DOK6: variants seen among roughly 807,000 people sequenced by gnomAD.
DOK6 encodes the protein downstream of tyrosine kinase 6.
A neutral mutation model predicts 44.0 loss-of-function variants in DOK6; 22 were observed. That is an observed-to-expected ratio of 0.50 (90% CI 0.36 to 0.71). The LOEUF (loss-of-function observed/expected upper bound fraction) is 0.71, where lower values mean the gene tolerates loss of function less well. Among genes scored for constraint, DOK6 ranks in the 30% least tolerant of loss-of-function variants. DOK6 has a pLI of 0.00. For missense variants in DOK6, 340 were observed against 416.4 expected (o/e 0.82, Z 1.60); for synonymous variants, 166 against 145.5 (o/e 1.14, Z -1.01).
chr18:69,600,395 T>C (rs949542435), intron 3 of DOK6, among the ~76,000 whole-genome samples: 2 of 152,198 alleles, frequency 1.3e-5, no homozygotes, highest in African/African-American at 4.8e-5. Flanking sequence ...TTTATCTCCG[T>C]GTTCCTCTTT....
At chr18:69,575,071 A>G (rs1166186276) in intron 2 of DOK6, among the ~76,000 whole-genome samples, 1 of 152,094 alleles carries the variant, frequency 6.6e-6, no homozygotes, top group Non-Finnish European at 1.5e-5. Context: ...CAGCATATTC[A>G]TGTAGCAAAA....
chr18:69,504,942 G>A lies in DOK6; in HGVS notation c.67-59545G>A, dbSNP rs562028559. On this transcript the variant is annotated intron_variant, in intron 1 of 7. Transcript: ENST00000382713. ...CTCTAATTAAAAGCTCCTACTGGAA[G>A]CTCTCCGTTCTTCTCCTTCTTTACT... Among the ~76,000 whole-genome samples the A allele has an allele frequency of 3.0e-4, 45 of 152,266 alleles. No homozygotes were observed. The South Asian group carries it at 4.6e-3, about 15-fold the overall frequency.
chr18:69,671,692 A>C (rs1985802713), intron 3 of DOK6, among the ~76,000 whole-genome samples: 1 of 152,224 alleles, frequency 6.6e-6, no homozygotes, highest in Non-Finnish European at 1.5e-5. Context: ...AAGACTTATA[A>C]ACTCTACTTA....
At chr18:69,407,721 A>G (rs1916233352) in intron 1 of DOK6, among the ~76,000 whole-genome samples, 1 of 152,250 alleles carries the variant, frequency 6.6e-6, no homozygotes, top group Non-Finnish European at 1.5e-5. Flanking sequence ...ATTAATAAAG[A>G]AAACTATTGT....
rs534165420 is a variant in DOK6, at chr18:69,628,896, G to A, written c.289+29398G>A. ...ATGTACATTTAAGAGTTAACTGAAG[G>A]CTGTGTAAGCTGGAGCTGGTGATGG... On this transcript the variant is annotated intron_variant, in intron 3 of 7. Coordinates refer to ENST00000382713, the MANE Select transcript of DOK6 (RefSeq NM_152721.6). Among the ~76,000 whole-genome samples the A allele has an allele frequency of 6.5e-4, 99 of 152,258 alleles. No homozygotes were observed. In the Middle Eastern group the frequency reaches 0.014, roughly 21 times the overall value.
chr18:69,607,892 G>A (rs1234172589), intron 3 of DOK6, among the ~76,000 whole-genome samples: 2 of 152,040 alleles, frequency 1.3e-5, no homozygotes, highest in Non-Finnish European at 2.9e-5. Context: ...TGGAAATGCA[G>A]GTAACAGATA....
At chr18:69,760,830 C>T (rs12971260) in intron 7 of DOK6, among the ~76,000 whole-genome samples, 5 of 42,846 alleles carry the variant, frequency 1.2e-4, no homozygotes, top group South Asian at 1.1e-3. Context: ...CGGGGGCTGG[C>T]TGTGACCAAT....
At chr18:69,523,906 T>C (rs2144566799) in intron 1 of DOK6, among the ~76,000 whole-genome samples, 1 of 152,164 alleles carries the variant, frequency 6.6e-6, no homozygotes, top group South Asian at 2.1e-4. Flanking sequence ...TCTCAGAGCA[T>C]GATCTAAAAG....
chr18:69,614,961 G>A (rs1469745005), intron 3 of DOK6, among the ~76,000 whole-genome samples: 4 of 151,832 alleles, frequency 2.6e-5, no homozygotes, highest in Admixed American at 2.0e-4. Flanking sequence ...ATAGAAGAAG[G>A]GTCCCTCATA....
chr18:69,466,708 C>T (rs1979937973), intron 1 of DOK6, among the ~76,000 whole-genome samples: 2 of 150,430 alleles, frequency 1.3e-5, no homozygotes, highest in African/African-American at 4.9e-5. Context: ...ATTCATTGAT[C>T]AGTTAACAAT....
Position 69,846,226 on chromosome 18 carries a change from G to A in DOK6, c.*4843G>A, listed in dbSNP as rs187306215. 14 of 152,300 alleles carry A rather than the reference G, an allele frequency of 9.2e-5. No individual in the cohort carries two copies. The highest frequency in any genetic ancestry group is 2.6e-4 in the Admixed American group (4 of 15,292). The allele number at this position is 152,300 out of a possible 1,614,324, so 9.4% of individuals were successfully genotyped here. A position where few individuals can be genotyped will look rare whatever the true frequency, so the allele number is the denominator to read the frequency against. On this transcript the variant is annotated 3_prime_UTR_variant, in exon 8 of 8. Transcript: ENST00000382713. ...AGCTAGATCTAGAAGCACCCTTAAA[G>A]GTCATGTAGAATCAAGGTCCCACTT... is the stretch of plus-strand genomic sequence containing the variant.
intron 3 of DOK6, among the ~76,000 whole-genome samples, chr18:69,610,311 A>C (rs1282880783): frequency 1.3e-5 from 2 of 152,214 alleles, no homozygotes; most frequent in African/African-American, 4.8e-5. Flanking sequence ...GTCTATTGCT[A>C]TTAAATAAAC....
intron 1 of DOK6, among the ~76,000 whole-genome samples, chr18:69,473,028 A>G (rs1568269095): frequency 1.3e-5 from 2 of 152,228 alleles, no homozygotes; most frequent in South Asian, 2.1e-4. Flanking sequence ...AGAGAGAAAA[A>G]CATATTTTAT....
intron 3 of DOK6, among the ~76,000 whole-genome samples, chr18:69,676,764 A>G (rs1248565085): frequency 1.3e-5 from 2 of 152,194 alleles, no homozygotes; most frequent in Admixed American, 1.3e-4. Context: ...TTCTGTTTTG[A>G]TGCTGACCAA....
intron 1 of DOK6, among the ~76,000 whole-genome samples, chr18:69,491,297 G>A (rs1286482810): frequency 6.6e-6 from 1 of 152,138 alleles, no homozygotes; most frequent in African/African-American, 2.4e-5. Context: ...TTATCTAGAG[G>A]AAATGTGTAA....
At chr18:69,646,801 C>T (rs1985085088) in intron 3 of DOK6, among the ~76,000 whole-genome samples, 1 of 152,132 alleles carries the variant, frequency 6.6e-6, no homozygotes, top group South Asian at 2.1e-4. Flanking sequence ...TTTGATTCCC[C>T]AGTCAAGGAG....
Position 69,844,418 on chromosome 18 carries a change from G to C in DOK6, c.*3035G>C, listed in dbSNP as rs1982302993. On this transcript the variant is annotated 3_prime_UTR_variant, in exon 8 of 8. Coordinates refer to ENST00000382713, the MANE Select transcript of DOK6 (RefSeq NM_152721.6). ...GCCTAGAGGAGGTATCTATTTCACTGAGAGATTACACGAGGGGACTTATTT... is the reference window on the plus strand; with the variant it reads ...GCCTAGAGGAGGTATCTATTTCACTCAGAGATTACACGAGGGGACTTATTT... The C allele has an allele frequency of 6.6e-6, 1 of 152,190 alleles. No individual in the cohort carries two copies. The highest frequency in any genetic ancestry group is 1.9e-4 in the East Asian group (1 of 5,182). 9.4% of individuals were successfully genotyped at this position (152,190 alleles called of 1,614,324 possible).
intron 1 of DOK6, among the ~76,000 whole-genome samples, chr18:69,406,858 A>T (rs1049848705): frequency 6.6e-6 from 1 of 152,212 alleles, no homozygotes; most frequent in Non-Finnish European, 1.5e-5. Flanking sequence ...AGGCTGGCGG[A>T]TCACCTGAGG....
At chr18:69,514,364 C>T (rs1350151660) in intron 1 of DOK6, among the ~76,000 whole-genome samples, 1 of 152,118 alleles carries the variant, frequency 6.6e-6, no homozygotes, top group Non-Finnish European at 1.5e-5. Context: ...ACTTGCCTGA[C>T]GTACTATATC....
Sources: gnomAD v4.1 joint callset for allele counts (sites outside exome capture counted in the v4.1 genomes callset) on GRCh38, gnomAD v4.1.1 for gene constraint, MANE v1.5 for transcripts, NCBI Gene and HGNC (gene_info 2026-07-23, HGNC 2026-07-21) for gene names.